Variants in ATXN10 observed in about 807,000 individuals in gnomAD.
ATXN10 encodes the protein ataxin 10.
A neutral mutation model predicts 52.9 loss-of-function variants in ATXN10; 28 were observed. The ratio of observed to expected loss-of-function variants is 0.53; its 90% confidence interval spans 0.39 to 0.73. The LOEUF (loss-of-function observed/expected upper bound fraction) is 0.73. Ranked by LOEUF, ATXN10 falls within the 30% of genes least tolerant of loss-of-function variation. ATXN10 has a pLI of 0.00. For missense variants in ATXN10, 565 were observed against 577.0 expected, an observed-to-expected ratio of 0.98 and a Z score of 0.21; for synonymous variants, 226 against 221.5, an observed-to-expected ratio of 1.02 and a Z score of -0.18.
rs149478410 is a variant in ATXN10 at position 45,749,963 on chromosome 22, G to A, written c.1173+9425G>A. On this transcript the variant is annotated intron_variant, in intron 9 of 11. Transcript: ENST00000252934. ...TTACCCCATACTGTAGACACAGAAA[G>A]GGAGACATTGGGGAAGTAATGTGCT... 2.3e-3 allele frequency among the ~76,000 whole-genome samples: 355 copies of A among 152,292 alleles called. 2 individuals carry two copies. The highest frequency in any genetic ancestry group is 4.0e-3 in the Non-Finnish European group (274 of 68,028).
intron 9 of ATXN10, among the ~76,000 whole-genome samples, chr22:45,767,436 T>C (rs183084001): frequency 0.014 from 2,162 of 149,846 alleles, 50 homozygotes; most frequent in African/African-American, 0.042. Flanking sequence ...TAAATATACA[T>C]ACACACACAC....
At chr22:45,697,212 A>C (rs1287763875) in intron 3 of ATXN10, among the ~76,000 whole-genome samples, 4 of 151,398 alleles carry the variant, frequency 2.6e-5, no homozygotes, top group Non-Finnish European at 4.4e-5. Context: ...TCGGCTCACT[A>C]CAGTCTCCGC....
At chr22:45,729,378 T>A (rs954893372) in intron 6 of ATXN10, 47 bp from the exon 7 acceptor site, 2 of 1,592,238 alleles carry the variant, frequency 1.3e-6, no homozygotes, top group Non-Finnish European at 8.6e-7. Flanking sequence ...TAGCATTGTA[T>A]AATTTAAGTA....
At chr22:45,704,878 T>C (rs1923979281) in intron 5 of ATXN10, among the ~76,000 whole-genome samples, 1 of 152,242 alleles carries the variant, frequency 6.6e-6, no homozygotes, top group South Asian at 2.1e-4. Context: ...AGTCTTTCAG[T>C]GTGCTGTTGC....
chr22:45,692,341 T>C (rs1397254358), intron 2 of ATXN10, among the ~76,000 whole-genome samples: 1 of 152,232 alleles, frequency 6.6e-6, no homozygotes, highest in Non-Finnish European at 1.5e-5. Context: ...TTTTATTGCA[T>C]GCAACTTATG....
rs1357654074 is a variant in ATXN10 at position 45,682,469 on chromosome 22, G to A, written c.117-7243G>A. Among the ~76,000 whole-genome samples the A allele has an allele frequency of 4.6e-5, 7 of 151,614 alleles. No homozygotes were observed. In the East Asian group the frequency reaches 7.7e-4, roughly 17 times the overall value. On this transcript the variant is annotated intron_variant, in intron 1 of 11. Transcript: ENST00000252934. ...ACTACAGGCATCCACCACCACACCC[G>A]GCTATTTTTTAAATTTTTTTTGTAG...
rs1925166870 is a variant in ATXN10 at position 45,733,516 on chromosome 22, C to T, written c.894+3926C>T. Among the ~76,000 whole-genome samples, 1 of 152,096 alleles carries T rather than the reference C, an allele frequency of 6.6e-6. No individual in the cohort carries two copies. The highest frequency in any genetic ancestry group is 6.6e-5 in the Admixed American group (1 of 15,264). On this transcript the variant is annotated intron_variant, in intron 7 of 11. Coordinates refer to ENST00000252934, the MANE Select transcript of ATXN10 (RefSeq NM_013236.4). This position sits in a 1 kb window ranked among gnomAD's most constrained non-coding sequence, Gnocchi z 4.4. ...TTAGGAGGTCGAGGTGGGCAGATTG[C>T]CTGAGGTCAGGAGTTTGAGACCAGC... is the stretch of plus-strand genomic sequence containing the variant.
Position 45,718,301 on chromosome 22 carries a change from A to G in ATXN10, c.648-112A>G, listed in dbSNP as rs1180802275. The stretch of plus-strand genomic sequence containing the variant: ...CATTTAAGATTACAGCAAATCAAAA[A>G]TTCACTGAAAAGAAATGCTTTTGTG... On this transcript the variant is annotated intron_variant, in intron 5 of 11. Transcript: ENST00000252934. The surrounding 1 kb of genome is among the most constrained non-coding windows in gnomAD (Gnocchi z 4.4). 2.3e-6 allele frequency: 2 copies of G among 861,106 alleles called. No individual in the cohort carries two copies. The highest frequency in any genetic ancestry group is 1.7e-5 in the Admixed American group (1 of 57,182). 53.3% of individuals were successfully genotyped at this position (861,106 alleles called of 1,614,324 possible).
Position 45,689,721 on chromosome 22 carries a change from A to C in ATXN10, c.126A>C (p.Ala42=). 1.2e-6 allele frequency: 2 copies of C among 1,614,038 alleles called. No individual in the cohort carries two copies. Among genetic ancestry groups the C allele is most frequent in the Non-Finnish European group, 1.7e-6 (2 of 1,179,906 alleles). Residue 42 remains alanine, a synonymous_variant, in exon 2 of 12, where the codon GCA becomes GCC. Transcript: ENST00000252934. ...LFKEQRNRET[A]PRTIFQRVLD... Reference sequence around the variant, plus strand: ...TTTTATCCTTTTTCAGAGAAACAGCACCCAGGACTATCTTCCAAAGAGTTC... The same window carrying C: ...TTTTATCCTTTTTCAGAGAAACAGCCCCCAGGACTATCTTCCAAAGAGTTC...
At chr22:45,710,458 C>T (rs758284437) in intron 5 of ATXN10, among the ~76,000 whole-genome samples, 3 of 152,148 alleles carry the variant, frequency 2.0e-5, no homozygotes, top group Non-Finnish European at 2.9e-5. Context: ...TCGCTTTACT[C>T]TCTTTTATTC....
chr22:45,693,925 C>G (rs1286999339), intron 3 of ATXN10, among the ~76,000 whole-genome samples: 3 of 152,164 alleles, frequency 2.0e-5, no homozygotes, highest in Non-Finnish European at 2.9e-5. Flanking sequence ...AAATAAATGT[C>G]TGTTGTTTAA....
intron 9 of ATXN10, among the ~76,000 whole-genome samples, chr22:45,749,481 T>C (rs1233427482): frequency 1.3e-5 from 2 of 152,220 alleles, no homozygotes; most frequent in Non-Finnish European, 2.9e-5. Flanking sequence ...TACAGCTTTT[T>C]CCACAATTCT....
chr22:45,691,962 C>T (rs182823404), intron 2 of ATXN10, among the ~76,000 whole-genome samples: 4 of 152,256 alleles, frequency 2.6e-5, no homozygotes, highest in Admixed American at 2.6e-4. Flanking sequence ...GATGACTGCT[C>T]CATCTTGACC....
intron 9 of ATXN10, among the ~76,000 whole-genome samples, chr22:45,755,693 C>G (rs973821189): frequency 1.3e-5 from 2 of 152,054 alleles, no homozygotes; most frequent in Non-Finnish European, 2.9e-5. Context: ...TATTCAAGAC[C>G]CTGAAAAAGT....
intron 9 of ATXN10, among the ~76,000 whole-genome samples, chr22:45,776,730 C>T (rs1416919836): frequency 2.0e-5 from 3 of 152,064 alleles, no homozygotes; most frequent in East Asian, 1.9e-4. Flanking sequence ...TAAACACAAA[C>T]GATAATATAT....
In ATXN10 at chr22:45,833,200, G is replaced by T. The variant is rs762731479; in HGVS notation, c.1238-9791G>T. On this transcript the variant is annotated intron_variant, in intron 10 of 11. Transcript: ENST00000252934. The surrounding 1 kb of genome is among the most constrained non-coding windows in gnomAD (Gnocchi z 4.3). ...ATCATAGAGTCCTTGGGAAGCGCAC[G>T]CATCTGGTATCTGTCCCTGTTCACC... Among the ~76,000 whole-genome samples the T allele has an allele frequency of 6.6e-6, 1 of 152,296 alleles. No homozygotes were observed. The highest frequency in any genetic ancestry group is 1.5e-5 in the Non-Finnish European group (1 of 68,012).
rs571363504 is a variant in ATXN10, at chr22:45,830,290, AG to A, written c.1238-12700del. Among the ~76,000 whole-genome samples the A allele has an allele frequency of 1.3e-4, 20 of 152,338 alleles. No homozygotes were observed. The East Asian group carries it at 2.5e-3, about 19-fold the overall frequency. Reference sequence around the variant, plus strand: ...AGCTTCACATGACATTGGATTTGGCAGTTATTTATTGGATGTGATACCAAAG... The same window carrying A: ...AGCTTCACATGACATTGGATTTGGCATTATTTATTGGATGTGATACCAAAG... On this transcript the variant is annotated intron_variant, in intron 10 of 11. Coordinates refer to ENST00000252934, the MANE Select transcript of ATXN10 (RefSeq NM_013236.4).
chr22:45,751,763 A>AAAATAATAATAATAAT, intron 9 of ATXN10, among the ~76,000 whole-genome samples: 136 of 66,580 alleles, frequency 2.0e-3, no homozygotes, highest in Non-Finnish European at 3.6e-3. Flanking sequence ...AATAAAAAAA[A>AAAATAATAATAATAAT]AATAATAATA....
At chr22:45,672,731 GGA>G (rs2146717383) in intron 1 of ATXN10, 1 of 152,474 alleles carries the variant, frequency 6.6e-6, no homozygotes, top group African/African-American at 2.4e-5. Flanking sequence ...GCACGGGCCT[GGA>G]GAGACCAGTC....
Sources: gnomAD v4.1 joint callset for allele counts (sites outside exome capture counted in the v4.1 genomes callset) on GRCh38, gnomAD v4.1.1 for gene constraint, Gnocchi (gnomAD v3.1) non-coding constraint, MANE v1.5 for transcripts, NCBI Gene and HGNC (gene_info 2026-07-23, HGNC 2026-07-21) for gene names.